Variants in NCOA1 observed in about 807,000 individuals in gnomAD.
NCOA1 encodes Hin-2 protein.
A neutral mutation model predicts 150.9 loss-of-function variants in NCOA1; 35 were observed. The observed-to-expected ratio is 0.23, with a 90% CI of 0.18 to 0.31. The LOEUF (loss-of-function observed/expected upper bound fraction) is 0.31. NCOA1 is among the 10% of genes least tolerant of loss of function. NCOA1 has a pLI of 1.00. For synonymous variants in NCOA1, 590 were observed against 630.0 expected, an observed-to-expected ratio of 0.94 and a Z score of 0.95; for missense variants, 1,491 against 1,749.3, an observed-to-expected ratio of 0.85 and a Z score of 2.63.
intron 12 of NCOA1, 88 bp from the exon 13 acceptor site, chr2:24,706,480 A>G: frequency 1.4e-6 from 2 of 1,382,800 alleles, no homozygotes; most frequent in Non-Finnish European, 1.9e-6. Context: ...TAATGAGATC[A>G]ATGGTCTTGT....
intron 7 of NCOA1, among the ~76,000 whole-genome samples, chr2:24,680,204 T>C (rs1672100971): frequency 6.6e-6 from 1 of 152,184 alleles, no homozygotes. Flanking sequence ...GGTAGTTCTA[T>C]TTTTAATTTT....
chr2:24,658,783 T>TA lies in NCOA1; in HGVS notation c.89+18dup, dbSNP rs1256762457. On this transcript the variant is annotated intron_variant, in intron 5 of 22. Coordinates refer to ENST00000348332, the MANE Select transcript of NCOA1 (RefSeq NM_003743.5). ...GGCATCAAGGTAGGAACACTCCTCT[T>TA]AGTCTATTTTTGGCAGAGCTGCTTT... 6.2e-7 allele frequency: 1 copy of TA among 1,611,896 alleles called. No individual in the cohort carries two copies.
At chr2:24,587,353 G>A (rs1277732719) in intron 3 of NCOA1, among the ~76,000 whole-genome samples, 2 of 151,966 alleles carry the variant, frequency 1.3e-5, no homozygotes, top group Non-Finnish European at 2.9e-5. Flanking sequence ...CTTCTCCAAC[G>A]CACCTGACAT....
intron 22 of NCOA1, among the ~76,000 whole-genome samples, chr2:24,763,625 T>C (rs1664902765): frequency 6.9e-6 from 1 of 144,166 alleles, no homozygotes; most frequent in African/African-American, 2.5e-5. Context: ...TCTTTTTTTT[T>C]TTTTTTTTTT....
At chr2:24,548,231 C>T (rs1341566415) in intron 1 of NCOA1, among the ~76,000 whole-genome samples, 2 of 152,214 alleles carry the variant, frequency 1.3e-5, no homozygotes, top group African/African-American at 2.4e-5. Context: ...GAGCAAGTCA[C>T]GTCTTACATG....
chr2:24,717,754 A>G lies in NCOA1; in HGVS notation c.2599+6643A>G, dbSNP rs139247235. On this transcript the variant is annotated intron_variant, in intron 14 of 22. Transcript: ENST00000348332. ...GACTTTAGTTAATACTAATGTGTCA[A>G]TATTGGCTTATCAGTTCTAACAAAT... 4.4e-3 allele frequency among the ~76,000 whole-genome samples: 675 copies of G among 152,308 alleles called. 6 individuals are homozygous for G. Among genetic ancestry groups the G allele is most frequent in the African/African-American group, 0.016 (645 of 41,562 alleles).
chr2:24,634,722 C>A (rs1015401649), intron 3 of NCOA1, among the ~76,000 whole-genome samples: 1 of 116,346 alleles, frequency 8.6e-6, no homozygotes, highest in Non-Finnish European at 1.9e-5. Context: ...CCCCCCCCCC[C>A]GCCCCCGGAG....
At chr2:24,605,543 T>C (rs756467824) in intron 3 of NCOA1, among the ~76,000 whole-genome samples, 3 of 152,208 alleles carry the variant, frequency 2.0e-5, no homozygotes, top group Non-Finnish European at 4.4e-5. Context: ...CTATGAGTAT[T>C]CTTATTTTGT....
intron 1 of NCOA1, among the ~76,000 whole-genome samples, chr2:24,522,718 A>G (rs1221458117): frequency 6.6e-6 from 1 of 152,226 alleles, no homozygotes; most frequent in Admixed American, 6.5e-5. Flanking sequence ...GAAGGGGGCT[A>G]AAGATTTTCA....
chr2:24,736,930 G>A (rs952790291), intron 17 of NCOA1, among the ~76,000 whole-genome samples: 3 of 152,128 alleles, frequency 2.0e-5, no homozygotes, highest in African/African-American at 7.2e-5. Context: ...GGACTTCTTG[G>A]TAAAGCACTG....
intron 3 of NCOA1, among the ~76,000 whole-genome samples, chr2:24,638,606 A>G (rs1171193929): frequency 1.3e-5 from 2 of 152,160 alleles, no homozygotes; most frequent in African/African-American, 4.8e-5. Flanking sequence ...CATTCCCACC[A>G]ACAGTGTTTA....
chr2:24,563,675 G>A (rs1156941082), intron 1 of NCOA1, among the ~76,000 whole-genome samples: 6 of 152,048 alleles, frequency 3.9e-5, no homozygotes, highest in Non-Finnish European at 7.4e-5. Flanking sequence ...ATGCCACCAA[G>A]CCCAGCTAAT....
intron 1 of NCOA1, among the ~76,000 whole-genome samples, chr2:24,514,103 A>G (rs1441544612): frequency 1.3e-5 from 2 of 151,928 alleles, no homozygotes; most frequent in East Asian, 1.9e-4. Flanking sequence ...CCTGGCTAAC[A>G]CTGTGAAACC....
intron 1 of NCOA1, among the ~76,000 whole-genome samples, chr2:24,523,629 A>AAAAAAAAAC (rs1572380482): frequency 7.9e-6 from 1 of 125,914 alleles, no homozygotes; most frequent in Non-Finnish European, 1.7e-5. Flanking sequence ...AAAAAAAAAA[A>AAAAAAAAAC]AGAAACTGGG....
At chr2:24,657,066 G>C (rs544304385) in intron 4 of NCOA1, among the ~76,000 whole-genome samples, 3 of 152,206 alleles carry the variant, frequency 2.0e-5, no homozygotes, top group African/African-American at 7.2e-5. Context: ...AAATGGCTAC[G>C]CTAATTTACA....
At chr2:24,586,077 C>T (rs1296985677) in intron 3 of NCOA1, among the ~76,000 whole-genome samples, 1 of 151,644 alleles carries the variant, frequency 6.6e-6, no homozygotes, top group African/African-American at 2.4e-5. Flanking sequence ...GAGTTGGAGA[C>T]CAGCCTGGGC....
At chr2:24,672,941 C>T (rs987859353) in intron 6 of NCOA1, among the ~76,000 whole-genome samples, 15 of 152,114 alleles carry the variant, frequency 9.9e-5, no homozygotes, top group Non-Finnish European at 5.9e-5. Flanking sequence ...TGCAGGCTCT[C>T]AAAAGGAAAA....
intron 1 of NCOA1, among the ~76,000 whole-genome samples, chr2:24,505,865 C>T (rs781642441): frequency 1.1e-4 from 16 of 152,030 alleles, no homozygotes; most frequent in African/African-American, 3.1e-4. Flanking sequence ...GTTGCTAAGC[C>T]GAGTTAACGT....
At chr2:24,611,850 G>A (rs996357496) in intron 3 of NCOA1, among the ~76,000 whole-genome samples, 3 of 152,036 alleles carry the variant, frequency 2.0e-5, no homozygotes, top group Non-Finnish European at 4.4e-5. Flanking sequence ...ACAGATAGAT[G>A]AGTCTTTTTT....
Sources: gnomAD v4.1 joint callset for allele counts (sites outside exome capture counted in the v4.1 genomes callset) on GRCh38, gnomAD v4.1.1 for gene constraint, MANE v1.5 for transcripts, NCBI Gene and HGNC (gene_info 2026-07-23, HGNC 2026-07-21) for gene names.